Variants in ANO5 observed in about 807,000 individuals in gnomAD.
ANO5 encodes the protein anoctamin-5.
In ANO5, 109 loss-of-function variants were observed where a neutral mutation model predicts 121.0. That is an observed-to-expected ratio of 0.90 (90% confidence interval 0.77 to 1.06). ANO5 has a LOEUF of 1.06. Ranked by LOEUF, ANO5 falls within the 50% of genes least tolerant of loss-of-function variation. ANO5 has a pLI of 0.00. For missense variants in ANO5, 1,064 were observed against 1,078.5 expected (o/e 0.99, Z 0.19); for synonymous variants, 406 against 359.9 (o/e 1.13, Z -1.45).
chr11:22,269,725 A>G (rs1854539844), intron 17 of ANO5, among the ~76,000 whole-genome samples: 1 of 151,964 alleles, frequency 6.6e-6, no homozygotes, highest in African/African-American at 2.4e-5. Flanking sequence ...TTCTGCATCA[A>G]TTGAGATGAT....
chr11:22,276,383 C>T (rs1024517227), intron 21 of ANO5, among the ~76,000 whole-genome samples, 184 bp downstream of exon 21: 1 of 151,642 alleles, frequency 6.6e-6, no homozygotes, highest in Non-Finnish European at 1.5e-5. Flanking sequence ...CTATTATTCA[C>T]TTATTATTGT....
chr11:22,227,571 A>G lies in ANO5; in HGVS notation c.633A>G (p.Ser211=). The G allele has an allele frequency of 6.2e-7, 1 of 1,613,184 alleles. No individual in the cohort carries two copies. Among genetic ancestry groups the G allele is most frequent in the Non-Finnish European group, 8.5e-7 (1 of 1,179,468 alleles). Reference sequence around the variant, plus strand: ...ATCAGGCAACCTTCTTTCCATCCTCATCAAGAAACAGAATTGTAGGTAGAG... The same window carrying G: ...ATCAGGCAACCTTCTTTCCATCCTCGTCAAGAAACAGAATTGTAGGTAGAG... ...IEDQATFFPS[S]SRNRIVYYIL... Residue 211 remains serine (S), a synonymous_variant, in exon 7 of 22, where the codon TCA becomes TCG. Transcript: ENST00000324559.
At chr11:22,218,179 C>CTT in intron 3 of ANO5, 67 bp from the exon 4 acceptor site, 1 of 1,554,060 alleles carries the variant, frequency 6.4e-7, no homozygotes, top group Non-Finnish European at 8.8e-7. Flanking sequence ...TTGTCTTTGT[C>CTT]TTTTTTTTGG....
At position 22,221,228 on chromosome 11, in the gene ANO5, G is replaced by T. The variant is rs780347617; in HGVS notation, c.294+18G>T. 7.1e-6 allele frequency: 11 copies of T among 1,542,700 alleles called. No individual in the cohort carries two copies. Among genetic ancestry groups the T allele is most frequent in the African/African-American group, 1.4e-5 (1 of 73,310 alleles). On this transcript the variant is annotated intron_variant, in intron 5 of 21. Coordinates refer to ENST00000324559, the MANE Select transcript of ANO5 (RefSeq NM_213599.3). ...TAAAGGCGGTAAGTGCATTATAACA[G>T]AAGTGGGAATAATAAAAAGAAGCAC...
chr11:22,221,700 G>T (rs534257799), intron 5 of ANO5, among the ~76,000 whole-genome samples: 78 of 151,838 alleles, frequency 5.1e-4, no homozygotes, highest in Admixed American at 1.4e-3. Flanking sequence ...AGTTTATGAG[G>T]CCAAGCACTT....
At chr11:22,197,349 CT>C (rs11308210) in intron 1 of ANO5, among the ~76,000 whole-genome samples, 103,020 of 139,308 alleles carry the variant, frequency 0.74, 37,615 homozygotes, top group South Asian at 0.79. Flanking sequence ...TGGAATTTAA[CT>C]TTTTTTTTTT....
At chr11:22,268,329 T>C (rs567200453) in intron 17 of ANO5, among the ~76,000 whole-genome samples, 2 of 152,266 alleles carry the variant, frequency 1.3e-5, no homozygotes, top group South Asian at 2.1e-4. Context: ...AATTGGACCT[T>C]AATGAATTCT....
intron 7 of ANO5, among the ~76,000 whole-genome samples, chr11:22,231,376 C>T (rs1434618564): frequency 1.3e-5 from 2 of 151,802 alleles, no homozygotes; most frequent in African/African-American, 4.8e-5. Context: ...AGCACAGTTT[C>T]ATCCTCATTG....
rs750546581 is a variant in ANO5 at position 22,227,574 on chromosome 11, A to G, written c.636A>G (p.Ser212=). Residue 212 remains serine, a synonymous_variant, in exon 7 of 22, where the codon TCA becomes TCG. Transcript: ENST00000324559. The part of the protein sequence containing the change: ...EDQATFFPSS[S]RNRIVYYILS... ...AGGCAACCTTCTTTCCATCCTCATC[A>G]AGAAACAGAATTGTAGGTAGAGAAG... 1.2e-6 allele frequency: 2 copies of G among 1,613,374 alleles called. No individual in the cohort carries two copies. Among genetic ancestry groups the G allele is most frequent in the Non-Finnish European group, 1.7e-6 (2 of 1,179,630 alleles).
rs1564939167 is a variant in ANO5, at chr11:22,255,353, A to ATAT, written c.1181-16_1181-14dup. On this transcript the variant is annotated splice_polypyrimidine_tract_variant and intron_variant, in intron 12 of 21. Coordinates refer to ENST00000324559, the MANE Select transcript of ANO5 (RefSeq NM_213599.3). ...AACTTTTTTAATATCTTTTTTTTAT[A>ATAT]TATTTATTTACCTATAGTCACCTTA... 6.5e-7 allele frequency: 1 copy of ATAT among 1,545,454 alleles called. No individual in the cohort carries two copies. The highest frequency in any genetic ancestry group is 2.3e-5 in the East Asian group (1 of 43,812).
At chr11:22,198,314 C>A (rs1413177493) in intron 1 of ANO5, among the ~76,000 whole-genome samples, 1 of 152,016 alleles carries the variant, frequency 6.6e-6, no homozygotes, top group Non-Finnish European at 1.5e-5. Flanking sequence ...AGGTTTCAGG[C>A]AAGGCCTGAA....
At chr11:22,259,861 C>G in intron 15 of ANO5, 120 bp downstream of exon 15, 1 of 1,015,746 alleles carries the variant, frequency 9.8e-7, no homozygotes. Context: ...GGCAGTTTTT[C>G]TCTATAAATA....
Position 22,272,899 on chromosome 11 carries a change from A to G in ANO5, c.2145A>G (p.Gln715=). 1 of 1,614,116 alleles carries G rather than the reference A, an allele frequency of 6.2e-7. No homozygotes were observed. The highest frequency in any genetic ancestry group is 8.5e-7 in the Non-Finnish European group (1 of 1,179,998). ...TGGATGCCTGGAAACTTACCACTCA[A>G]TACAGGAGAACTGTAGCTTCTAAAG... is the stretch of plus-strand genomic sequence containing the variant. The part of the protein sequence containing the change: ...IRVDAWKLTT[Q]YRRTVASKAH... The change falls in exon 19 of 22, where the codon CAA becomes CAG. Residue 715 remains glutamine, a synonymous_variant. Coordinates refer to ENST00000324559, the MANE Select transcript of ANO5 (RefSeq NM_213599.3).
intron 1 of ANO5, among the ~76,000 whole-genome samples, chr11:22,203,302 G>C (rs1470050408): frequency 6.6e-6 from 1 of 152,054 alleles, no homozygotes; most frequent in African/African-American, 2.4e-5. Flanking sequence ...ATGTATTTTA[G>C]TGCAAACGAC....
chr11:22,255,117 A>C (rs186967170), intron 12 of ANO5, among the ~76,000 whole-genome samples: 336 of 152,290 alleles, frequency 2.2e-3, no homozygotes, highest in African/African-American at 7.7e-3. Flanking sequence ...ATATATTAAT[A>C]TGTCTGAAAA....
At chr11:22,273,417 T>C (rs1261655768) in intron 19 of ANO5, among the ~76,000 whole-genome samples, 3 of 152,124 alleles carry the variant, frequency 2.0e-5, no homozygotes, top group African/African-American at 7.2e-5. Context: ...TACAATATAC[T>C]TTATAAATTG....
intron 3 of ANO5, among the ~76,000 whole-genome samples, chr11:22,213,891 T>TTTTTGTTTTG (rs59952448): frequency 0.2 from 30,414 of 148,396 alleles, 3,296 homozygotes; most frequent in East Asian, 0.44. Flanking sequence ...GGTGTTTTGT[T>TTTTTGTTTTG]TTTTGTTTTG....
At chr11:22,204,536 G>A (rs1043909622) in intron 2 of ANO5, among the ~76,000 whole-genome samples, 14 of 152,108 alleles carry the variant, frequency 9.2e-5, no homozygotes, top group African/African-American at 3.1e-4. Context: ...TTCCAGGAAT[G>A]ATTGAAATTT....
chr11:22,204,517 A>G (rs1300449342), intron 2 of ANO5, among the ~76,000 whole-genome samples: 2 of 152,136 alleles, frequency 1.3e-5, no homozygotes, highest in Admixed American at 1.3e-4. Context: ...AACAGGATTT[A>G]AAAAGAATTT....
Sources: allele counts gnomAD v4.1 joint callset (sites outside exome capture counted in the v4.1 genomes callset), GRCh38; gene constraint gnomAD v4.1.1; transcripts MANE v1.5; gene names NCBI Gene and HGNC (gene_info 2026-07-23, HGNC 2026-07-21).